TEK: variants seen among roughly 807,000 people sequenced by gnomAD.
TEK encodes the protein angiopoietin-1 receptor.
TEK carries 43 observed loss-of-function variants against 131.8 expected under a neutral mutation model. The ratio of observed to expected loss-of-function variants is 0.33; its 90% confidence interval spans 0.26 to 0.42. The LOEUF is 0.42. Ranked by LOEUF, TEK falls within the 10% of genes least tolerant of loss-of-function variation. The pLI, the probability that TEK is intolerant of heterozygous loss-of-function variation, is 1.00. For missense variants in TEK, 1,162 were observed against 1,384.4 expected (o/e 0.84, Z 2.55); for synonymous variants, 580 against 491.6 (o/e 1.18, Z -2.38).
At chr9:27,206,432 C>T (rs1825402290) in intron 14 of TEK, 150 bp from the exon 15 acceptor site, 1 of 938,490 alleles carries the variant, frequency 1.1e-6, no homozygotes, top group Non-Finnish European at 1.6e-6. Context: ...CAGGGCAGTC[C>T]TGTGTGATGA....
chr9:27,217,775 T>C lies in TEK; in HGVS notation c.3062+17T>C, dbSNP rs558418144. Reference sequence around the variant, plus strand: ...CAGTGATGTGTGAGTAAACTTCTTATTGCCAAGGGATTTTTTTTCCCTCCC... The same window carrying C: ...CAGTGATGTGTGAGTAAACTTCTTACTGCCAAGGGATTTTTTTTCCCTCCC... On this transcript the variant is annotated intron_variant, in intron 19 of 22. Coordinates refer to ENST00000380036, the MANE Select transcript of TEK (RefSeq NM_000459.5). The C allele has an allele frequency of 1.1e-4, 162 of 1,538,904 alleles. No homozygotes were observed. The highest frequency in any genetic ancestry group is 2.4e-4 in the South Asian group (21 of 88,326).
intron 4 of TEK, 136 bp from the exon 5 acceptor site, chr9:27,172,480 C>A: frequency 7.8e-7 from 1 of 1,276,382 alleles, no homozygotes; most frequent in Non-Finnish European, 1.1e-6. Context: ...AGATGATGAG[C>A]TTTTAGAGAG....
chr9:27,223,541 C>A (rs1826178135), intron 21 of TEK, among the ~76,000 whole-genome samples: 1 of 152,130 alleles, frequency 6.6e-6, no homozygotes, highest in Non-Finnish European at 1.5e-5. Context: ...GAAATGAAGG[C>A]AGAAATAAAG....
intron 1 of TEK, among the ~76,000 whole-genome samples, chr9:27,144,848 C>G (rs1822856885): frequency 6.6e-6 from 1 of 152,152 alleles, no homozygotes. Flanking sequence ...AGCTCCTGTC[C>G]TGTTCGAGAG....
At chr9:27,171,545 G>C (rs576626439) in intron 4 of TEK, among the ~76,000 whole-genome samples, 1 of 152,278 alleles carries the variant, frequency 6.6e-6, no homozygotes, top group East Asian at 1.9e-4. Context: ...TCTAGTTTAT[G>C]CTCCATGCTT....
At chr9:27,176,839 C>T (rs1270819945) in intron 6 of TEK, among the ~76,000 whole-genome samples, 1 of 152,208 alleles carries the variant, frequency 6.6e-6, no homozygotes, top group Non-Finnish European at 1.5e-5. Context: ...ACCAACATCT[C>T]CCCATTTCCT....
At chr9:27,228,993 G>C (rs190790921) in intron 22 of TEK, among the ~76,000 whole-genome samples, 165 bp from the exon 23 acceptor site, 8 of 152,302 alleles carry the variant, frequency 5.3e-5, no homozygotes, top group Non-Finnish European at 1.2e-4. Flanking sequence ...ATTTTAGGAA[G>C]AAAGTCATCA....
At chr9:27,218,846 A>AGACTC in intron 20 of TEK, 29 bp downstream of exon 20, 1 of 1,611,120 alleles carries the variant, frequency 6.2e-7, no homozygotes, top group African/African-American at 1.3e-5. Context: ...CTACCAGGTG[A>AGACTC]GACTCTAGGC....
chr9:27,207,564 C>A (rs1825441846), intron 15 of TEK, among the ~76,000 whole-genome samples: 2 of 152,154 alleles, frequency 1.3e-5, no homozygotes, highest in Admixed American at 6.5e-5. Context: ...AGTTCACTGG[C>A]AAATTAGCTA....
chr9:27,121,281 G>A (rs1011129965), intron 1 of TEK, among the ~76,000 whole-genome samples: 4 of 152,162 alleles, frequency 2.6e-5, no homozygotes, highest in African/African-American at 7.2e-5. Context: ...AGCTGAGATC[G>A]TGCCATTGCA....
chr9:27,138,498 A>ATCTCC (rs1271494219), intron 1 of TEK, among the ~76,000 whole-genome samples: 1 of 152,210 alleles, frequency 6.6e-6, no homozygotes, highest in Non-Finnish European at 1.5e-5. Flanking sequence ...TGATTGGTGC[A>ATCTCC]TTTACAATCC....
intron 5 of TEK, 52 bp from the exon 6 acceptor site, chr9:27,173,170 T>A: frequency 1.2e-6 from 2 of 1,608,978 alleles, no homozygotes; most frequent in Non-Finnish European, 1.7e-6. Flanking sequence ...AATTATGTAT[T>A]TCAAGGGGTT....
chr9:27,213,445 C>G, intron 17 of TEK, 39 bp from the exon 18 acceptor site: 1 of 1,517,738 alleles, frequency 6.6e-7, no homozygotes, highest in Non-Finnish European at 9.1e-7. Flanking sequence ...CTGGGGCTTT[C>G]ATTAGGCTGA....
intron 1 of TEK, among the ~76,000 whole-genome samples, chr9:27,116,151 A>T (rs1821549902): frequency 6.6e-6 from 1 of 152,128 alleles, no homozygotes; most frequent in South Asian, 2.1e-4. Flanking sequence ...TGGAAGGTTG[A>T]GAGGGAGGGA....
At chr9:27,181,347 C>G (rs1587560697) in intron 7 of TEK, among the ~76,000 whole-genome samples, 1 of 152,094 alleles carries the variant, frequency 6.6e-6, no homozygotes, top group African/African-American at 2.4e-5. Flanking sequence ...CCTAAATCTC[C>G]AAAAAATTTT....
Position 27,109,694 on chromosome 9 carries a change from G to C in TEK, c.52+52G>C. The stretch of plus-strand genomic sequence containing the variant: ...TTTAGTATTTTAAAAAACAGAGTTA[G>C]TGATTTCTGGGTGCTCTCCCCAAAT... On this transcript the variant is annotated intron_variant, in intron 1 of 22. Coordinates refer to ENST00000380036, the MANE Select transcript of TEK (RefSeq NM_000459.5). 3 of 1,589,544 alleles carry C rather than the reference G, an allele frequency of 1.9e-6. No individual in the cohort carries two copies. In the South Asian group the frequency reaches 3.3e-5, roughly 18 times the overall value.
In TEK at chr9:27,205,003, A is replaced by T; in HGVS notation, c.2302A>T (p.Ile768Phe). ...TCLTVLLAFL[I>F]ILQLKRANVQ... ...CCTGACTGTGCTGTTGGCCTTTCTG[A>T]TCATATTGCAATTGAAGAGGGCAAA... The change falls in exon 14 of 23, where the codon ATC (isoleucine) becomes TTC (phenylalanine). Residue 768 changes from isoleucine to phenylalanine, a missense_variant. This residue lies in a region of TEK where 477 missense variants were observed against 471.0 expected (regional missense o/e 1.01). Coordinates refer to ENST00000380036, the MANE Select transcript of TEK (RefSeq NM_000459.5). The T allele has an allele frequency of 6.2e-7, 1 of 1,613,978 alleles. No individual in the cohort carries two copies. The highest frequency in any genetic ancestry group is 8.5e-7 in the Non-Finnish European group (1 of 1,179,926).
intron 21 of TEK, among the ~76,000 whole-genome samples, chr9:27,221,703 A>C (rs558593096): frequency 4.6e-5 from 7 of 152,284 alleles, no homozygotes; most frequent in Admixed American, 3.9e-4. Context: ...TAACAAACAG[A>C]AAGGAATAGT....
intron 1 of TEK, among the ~76,000 whole-genome samples, chr9:27,144,845 G>A (rs1271511242): frequency 1.3e-5 from 2 of 152,140 alleles, no homozygotes; most frequent in Non-Finnish European, 2.9e-5. Flanking sequence ...TAGAGCTCCT[G>A]TCCTGTTCGA....
Sources: allele counts gnomAD v4.1 joint callset (sites outside exome capture counted in the v4.1 genomes callset), GRCh38; gene constraint gnomAD v4.1.1; regional missense constraint gnomAD v4.1.1; transcripts MANE v1.5; gene names NCBI Gene and HGNC (gene_info 2026-07-23, HGNC 2026-07-21).